The following NIN variants were observed in gnomAD, a reference collection of about 807,000 sequenced individuals.
NIN encodes ninein.
A neutral mutation model predicts 257.6 loss-of-function variants in NIN; 137 were observed. The ratio of observed to expected loss-of-function variants is 0.53; its 90% CI spans 0.46 to 0.61. NIN has a LOEUF of 0.61. Among genes scored for constraint, NIN ranks in the 20% least tolerant of loss-of-function variants. The pLI is 0.00. For synonymous variants in NIN, 918 were observed against 919.8 expected (o/e 1.00, Z 0.04); for missense variants, 2,439 against 2,501.2 (o/e 0.98, Z 0.53).
At chr14:50,767,798 C>A (rs1234838150) in intron 12 of NIN, among the ~76,000 whole-genome samples, 2 of 137,974 alleles carry the variant, frequency 1.4e-5, no homozygotes, top group Non-Finnish European at 3.1e-5. Context: ...GCCTGGGCGA[C>A]ACAGCAAGAC....
chr14:50,750,154 G>T (rs1302359322), intron 21 of NIN, among the ~76,000 whole-genome samples: 2 of 151,874 alleles, frequency 1.3e-5, no homozygotes, highest in Non-Finnish European at 1.5e-5. Flanking sequence ...GGCCCCATCA[G>T]ATGTTCCAGG....
chr14:50,817,995 C>T (rs866463374), intron 3 of NIN, among the ~76,000 whole-genome samples: 8 of 150,682 alleles, frequency 5.3e-5, no homozygotes, highest in South Asian at 4.4e-4. Flanking sequence ...GGATTACAGG[C>T]GTGAGTCACC....
intron 3 of NIN, among the ~76,000 whole-genome samples, chr14:50,815,374 A>C (rs1278480221): frequency 6.6e-6 from 1 of 152,220 alleles, no homozygotes; most frequent in Non-Finnish European, 1.5e-5. Flanking sequence ...GGCAATCAAT[A>C]AATAGTCCAG....
chr14:50,820,777 C>T (rs534162149), intron 3 of NIN, among the ~76,000 whole-genome samples: 1 of 152,098 alleles, frequency 6.6e-6, no homozygotes, highest in South Asian at 2.1e-4. Context: ...AGTGTGAGTC[C>T]CATTTAACAT....
intron 28 of NIN, among the ~76,000 whole-genome samples, chr14:50,731,485 C>CTTG (rs2040694953): frequency 7.1e-6 from 1 of 141,046 alleles, no homozygotes; most frequent in South Asian, 2.2e-4. Flanking sequence ...GAGCCAAGAT[C>CTTG]ACACCAATGC....
chr14:50,748,241 TA>T (rs770467886), intron 21 of NIN, 136 bp from the exon 22 acceptor site: 55 of 577,640 alleles, frequency 9.5e-5, no homozygotes, highest in Admixed American at 5.0e-4. Flanking sequence ...TTTTTTATCG[TA>T]AAAGACTTTC....
chr14:50,741,238 C>T (rs2041265935), intron 25 of NIN, among the ~76,000 whole-genome samples: 1 of 152,120 alleles, frequency 6.6e-6, no homozygotes, highest in Non-Finnish European at 1.5e-5. Flanking sequence ...CAAAACTCAA[C>T]TCAGCCATGG....
At chr14:50,809,777 T>A (rs1304291641) in intron 3 of NIN, among the ~76,000 whole-genome samples, 2 of 152,222 alleles carry the variant, frequency 1.3e-5, no homozygotes, top group African/African-American at 4.8e-5. Flanking sequence ...ACATGAGGCC[T>A]AAGTATCCCT....
intron 27 of NIN, among the ~76,000 whole-genome samples, chr14:50,736,315 T>C (rs2040977083): frequency 6.6e-6 from 1 of 152,052 alleles, no homozygotes; most frequent in South Asian, 2.1e-4. Flanking sequence ...GTATATTTTT[T>C]TTTTTTAGAG....
rs1475727236 is a variant in NIN at position 50,771,510 on chromosome 14, C to G, written c.982-42G>C. 1.9e-6 allele frequency: 3 copies of G among 1,605,738 alleles called. No individual in the cohort carries two copies. In the South Asian group the frequency reaches 3.3e-5, roughly 18 times the overall value. Reference sequence around the variant, plus strand: ...GGCGTAAATTCAAAAACAAATCACTCATTCCATCCTCTGAAAGCAGAAAAT... The same window carrying G: ...GGCGTAAATTCAAAAACAAATCACTGATTCCATCCTCTGAAAGCAGAAAAT... On this transcript the variant is annotated intron_variant, in intron 9 of 30. Transcript: ENST00000530997.
intron 17 of NIN, 34 bp downstream of exon 17, chr14:50,759,823 C>T (rs368558654): frequency 1.2e-5 from 19 of 1,570,332 alleles, no homozygotes; most frequent in African/African-American, 2.7e-5. Flanking sequence ...AGGGATGGTG[C>T]CCCAGGTAGC....
chr14:50,764,171 T>C (rs1490898510), intron 14 of NIN, among the ~76,000 whole-genome samples: 1 of 152,214 alleles, frequency 6.6e-6, no homozygotes, highest in Non-Finnish European at 1.5e-5. Context: ...AGCTCAATAA[T>C]AAGACAATTT....
chr14:50,815,381 C>A (rs933437963), intron 3 of NIN, among the ~76,000 whole-genome samples: 53 of 152,218 alleles, frequency 3.5e-4, no homozygotes, highest in African/African-American at 1.2e-3. Flanking sequence ...AATAAATAGT[C>A]CAGAAACAAC....
intron 2 of NIN, among the ~76,000 whole-genome samples, chr14:50,825,817 C>T (rs3759526): frequency 0.14 from 20,900 of 152,198 alleles, 1,835 homozygotes; most frequent in East Asian, 0.38. Context: ...TCCATGGCCA[C>T]AAACTTTTCC....
chr14:50,734,332 T>C (rs2040869637), intron 28 of NIN, among the ~76,000 whole-genome samples: 3 of 152,090 alleles, frequency 2.0e-5, no homozygotes, highest in Non-Finnish European at 4.4e-5. Context: ...CCTCAGGTGA[T>C]CCACCTGCCT....
chr14:50,770,750 C>T, intron 11 of NIN, 102 bp downstream of exon 11: 3 of 1,429,966 alleles, frequency 2.1e-6, no homozygotes, highest in Non-Finnish European at 2.8e-6. Context: ...AACAGGCTGA[C>T]CAGAAGAGTC....
chr14:50,756,644 C>T lies in NIN; in HGVS notation c.4386G>A (p.Gln1462=), dbSNP rs1396420397. The T allele has an allele frequency of 1.2e-5, 18 of 1,555,248 alleles. No homozygotes were observed. The East Asian group carries it at 4.4e-4, about 38-fold the overall frequency. The change falls in exon 18 of 31, where the codon CAG becomes CAA. Residue 1462 remains glutamine, a synonymous_variant. Coordinates refer to ENST00000530997, the MANE Select transcript of NIN (RefSeq NM_020921.4). The stretch of plus-strand genomic sequence containing the variant: ...TCTCCTTCAACTTCCTAGTCAGCTC[C>T]TGTAACTTTGTTTTCTCCAGTTCTA... ...AELELEKTKL[Q]ELTRKLKERV...
At chr14:50,777,681 T>A (rs200680131) in intron 6 of NIN, among the ~76,000 whole-genome samples, 1 of 149,238 alleles carries the variant, frequency 6.7e-6, no homozygotes, top group Non-Finnish European at 1.5e-5. Flanking sequence ...CAACTGAAAT[T>A]AAAAAAAAAA....
chr14:50,820,027 G>A (rs1391451246), intron 3 of NIN, among the ~76,000 whole-genome samples: 2 of 152,070 alleles, frequency 1.3e-5, no homozygotes, highest in Non-Finnish European at 2.9e-5. Flanking sequence ...GATCATCTGA[G>A]GAGAATAATT....
Sources: gnomAD v4.1 joint callset for allele counts (sites outside exome capture counted in the v4.1 genomes callset) on GRCh38, gnomAD v4.1.1 for gene constraint, MANE v1.5 for transcripts, NCBI Gene and HGNC (gene_info 2026-07-23, HGNC 2026-07-21) for gene names.